SLC47A2: variants seen among roughly 807,000 people sequenced by gnomAD.
SLC47A2 encodes solute carrier family 47 member 2.
In SLC47A2, 52 loss-of-function variants were observed where a neutral mutation model predicts 67.7. The ratio of observed to expected loss-of-function variants is 0.77; its 90% CI spans 0.61 to 0.97. The LOEUF (loss-of-function observed/expected upper bound fraction) is 0.97, where lower values mean the gene tolerates loss of function less well. Among genes scored for constraint, SLC47A2 ranks in the 50% least tolerant of loss-of-function variants. The probability of loss-of-function intolerance (pLI) is 0.00; values close to 1 mark genes in which losing one functional copy is unlikely to be tolerated. For synonymous variants in SLC47A2, 278 were observed against 292.9 expected, an observed-to-expected ratio of 0.95 and a Z score of 0.52; for missense variants, 676 against 712.3, an observed-to-expected ratio of 0.95 and a Z score of 0.58.
intron 13 of SLC47A2, chr17:19,702,232 T>C: frequency 3.0e-6 from 3 of 985,348 alleles, no homozygotes; most frequent in Non-Finnish European, 3.6e-6. Flanking sequence ...TGTAGAAATG[T>C]CCCTCTGTGC....
intron 13 of SLC47A2, 22 bp from the exon 14 acceptor site, chr17:19,681,692 G>A (rs768848771): frequency 6.3e-7 from 1 of 1,599,268 alleles, no homozygotes; most frequent in Non-Finnish European, 8.5e-7. Flanking sequence ...GACAGAAATG[G>A]GCAAGAGTCA....
intron 8 of SLC47A2, 82 bp from the exon 9 acceptor site, chr17:19,706,843 A>T (rs547129976): frequency 9.3e-7 from 1 of 1,080,624 alleles, no homozygotes. Flanking sequence ...GAGGCCCCTA[A>T]ACCCCTTTGG....
At chr17:19,706,840 C>G in intron 8 of SLC47A2, 79 bp from the exon 9 acceptor site, 1 of 1,127,504 alleles carries the variant, frequency 8.9e-7, no homozygotes, top group African/African-American at 1.6e-5. Flanking sequence ...CAGGAGGCCC[C>G]TAAACCCCTT....
In SLC47A2 at chr17:19,708,371, C is replaced by A; in HGVS notation, c.560G>T (p.Gly187Val). The change falls in exon 7 of 17, where the codon GGT (glycine) becomes GTT (valine). Residue 187 changes from glycine to valine, a missense_variant. By Grantham distance (109) the Gly-to-Val change is moderately radical. Coordinates refer to ENST00000433844, the MANE Select transcript of SLC47A2 (RefSeq NM_001099646.3). ...ACCGTTGACACAGTTGCCCACCACA[C>A]CACTGAGGACTTGGGGCCAGGTGAT... ...QKITWPQVLS[G>V]VVGNCVNGVA... is the part of the protein sequence containing the mutation. 1 of 1,614,044 alleles carries A rather than the reference C, an allele frequency of 6.2e-7. No homozygotes were observed. The highest frequency in any genetic ancestry group is 8.5e-7 in the Non-Finnish European group (1 of 1,180,028).
chr17:19,702,074 A>C, intron 13 of SLC47A2: 1 of 957,636 alleles, frequency 1.0e-6, no homozygotes, highest in Non-Finnish European at 1.2e-6. Context: ...GCACTGCTGC[A>C]CTCCAGCCTG....
At chr17:19,705,810 G>C (rs1427792066) in intron 9 of SLC47A2, among the ~76,000 whole-genome samples, 3 of 152,182 alleles carry the variant, frequency 2.0e-5, no homozygotes, top group Non-Finnish European at 4.4e-5. Context: ...TGTTGGCCAG[G>C]CTGGTCTCGA....
At chr17:19,707,506 G>C (rs1419910583) in intron 8 of SLC47A2, among the ~76,000 whole-genome samples, 1 of 152,180 alleles carries the variant, frequency 6.6e-6, no homozygotes, top group East Asian at 1.9e-4. Flanking sequence ...GGGCAAGAAA[G>C]CTCCCTGGGC....
At chr17:19,687,149 G>A (rs1363727762) in intron 13 of SLC47A2, among the ~76,000 whole-genome samples, 1 of 152,048 alleles carries the variant, frequency 6.6e-6, no homozygotes, top group African/African-American at 2.4e-5. Flanking sequence ...GAGGAATTTT[G>A]GAAACTATAC....
chr17:19,701,387 T>C (rs1436167027), intron 13 of SLC47A2, among the ~76,000 whole-genome samples: 2 of 152,196 alleles, frequency 1.3e-5, no homozygotes, highest in East Asian at 3.9e-4. Context: ...GTTAGCGAAC[T>C]GGATGGAGTA....
At chr17:19,714,641 C>T in intron 3 of SLC47A2, 80 bp downstream of exon 3, 2 of 1,542,414 alleles carry the variant, frequency 1.3e-6, no homozygotes, top group Non-Finnish European at 1.8e-6. Context: ...TGCGCCCCTC[C>T]CACCTGCCAT....
intron 5 of SLC47A2, among the ~76,000 whole-genome samples, chr17:19,711,422 T>A (rs577753509): frequency 4.1e-4 from 61 of 150,240 alleles, no homozygotes; most frequent in Admixed American, 5.9e-4. Flanking sequence ...TGAAACCCTG[T>A]CACTACTAAA....
intron 2 of SLC47A2, 110 bp downstream of exon 2, chr17:19,715,006 G>T (rs981801658): frequency 3.0e-6 from 4 of 1,331,134 alleles, no homozygotes; most frequent in South Asian, 1.2e-5. Context: ...CAGCCACGTG[G>T]GCTGTGTCTT....
intron 13 of SLC47A2, among the ~76,000 whole-genome samples, chr17:19,682,345 A>ACG (rs2085333451): frequency 1.3e-5 from 2 of 150,908 alleles, no homozygotes; most frequent in Admixed American, 6.6e-5. Context: ...ACACACACAC[A>ACG]CACACACACA....
intron 13 of SLC47A2, among the ~76,000 whole-genome samples, chr17:19,693,162 G>T (rs1232582385): frequency 6.6e-6 from 1 of 151,928 alleles, no homozygotes; most frequent in African/African-American, 2.4e-5. Flanking sequence ...GAAATGCAAG[G>T]TATAACACCT....
rs1460769824 is a variant in SLC47A2 at position 19,693,619 on chromosome 17, A to ATAG, written c.1164+8985_1164+8986insCTA. Among the ~76,000 whole-genome samples the ATAG allele has an allele frequency of 2.7e-5, 4 of 149,198 alleles. No individual in the cohort carries two copies. The Admixed American group carries it at 2.7e-4, about 10-fold the overall frequency. ...AACCCCGTCTCTACTAAAAATAATA[A>ATAG]TAATAATAATAATAATAAATAAATA... On this transcript the variant is annotated intron_variant, in intron 13 of 16. Transcript: ENST00000433844.
intron 15 of SLC47A2, among the ~76,000 whole-genome samples, chr17:19,681,030 G>A (rs761090836): frequency 6.6e-6 from 1 of 151,954 alleles, no homozygotes; most frequent in East Asian, 1.9e-4. Context: ...TGGCTAACAC[G>A]GTGAAACCCC....
intron 15 of SLC47A2, among the ~76,000 whole-genome samples, chr17:19,680,639 T>G (rs1216817916): frequency 6.6e-6 from 1 of 152,130 alleles, no homozygotes; most frequent in East Asian, 1.9e-4. Context: ...AGTTGTGCCT[T>G]TGCTGTGCCT....
chr17:19,691,796 C>A (rs1403851274), intron 13 of SLC47A2, among the ~76,000 whole-genome samples: 1 of 152,052 alleles, frequency 6.6e-6, no homozygotes, highest in Non-Finnish European at 1.5e-5. Flanking sequence ...GTGATGAAAA[C>A]CCCATTTATC....
chr17:19,711,589 A>AG (rs2152360587), intron 5 of SLC47A2, among the ~76,000 whole-genome samples: 1 of 44,896 alleles, frequency 2.2e-5, no homozygotes, highest in East Asian at 9.5e-4. Flanking sequence ...ACTCCGTCTC[A>AG]AAAAAAAAAA....
Sources: gnomAD v4.1 joint callset for allele counts (sites outside exome capture counted in the v4.1 genomes callset) on GRCh38, gnomAD v4.1.1 for gene constraint, MANE v1.5 for transcripts, NCBI Gene and HGNC (gene_info 2026-07-23, HGNC 2026-07-21) for gene names.